RARB: variants seen among roughly 807,000 people sequenced by gnomAD.
RARB encodes the protein retinoic acid receptor beta, also known as HBV-activated protein.
A neutral mutation model predicts 51.9 loss-of-function variants in RARB; 17 were observed. That is an observed-to-expected ratio of 0.33 (90% CI 0.22 to 0.49). The LOEUF is 0.49. RARB is among the 20% of genes least tolerant of loss of function. RARB has a pLI of 0.99. For missense variants in RARB, 369 were observed against 550.8 expected, an observed-to-expected ratio of 0.67 and a Z score of 3.30; for synonymous variants, 215 against 195.4, an observed-to-expected ratio of 1.10 and a Z score of -0.84.
At chr3:25,214,197 C>T in intron 5 of RARB, among the ~76,000 whole-genome samples, 1 of 152,134 alleles carries the variant, frequency 6.6e-6, no homozygotes, top group East Asian at 1.9e-4. Context: ...GGGCCCTATC[C>T]TTGGCTTCTT....
intron 2 of RARB, among the ~76,000 whole-genome samples, chr3:24,923,124 A>G (rs115138986): frequency 0.016 from 2,447 of 152,288 alleles, 35 homozygotes; most frequent in Non-Finnish European, 0.024. Context: ...TATTTGAGCT[A>G]TCCATTTAGC....
chr3:25,172,251 A>C (rs1039805243), intron 4 of RARB, among the ~76,000 whole-genome samples: 5 of 152,308 alleles, frequency 3.3e-5, no homozygotes, highest in Admixed American at 2.6e-4. Context: ...TCCTCTGTAG[A>C]GTACAACCAG....
intron 5 of RARB, among the ~76,000 whole-genome samples, chr3:25,384,952 T>C (rs1214354704): frequency 1.3e-5 from 2 of 152,234 alleles, no homozygotes; most frequent in Admixed American, 6.5e-5. Context: ...TTCCAAATTA[T>C]TCCACTCTGG....
intron 5 of RARB, among the ~76,000 whole-genome samples, chr3:25,265,335 A>G (rs1465026792): frequency 6.6e-6 from 1 of 152,230 alleles, no homozygotes; most frequent in Non-Finnish European, 1.5e-5. Context: ...TGTATTTTAG[A>G]TGTTGATAAA....
intron 3 of RARB, among the ~76,000 whole-genome samples, chr3:25,510,316 C>T (rs17016584): frequency 2.0e-5 from 3 of 152,096 alleles, no homozygotes; most frequent in Non-Finnish European, 4.4e-5. Context: ...TGTATTCGCT[C>T]CCACATCAAA....
chr3:25,114,306 C>T lies in RARB; in HGVS notation c.-327-17855C>T, dbSNP rs367735664. On this transcript the variant is annotated intron_variant, in intron 3 of 11. Transcript: ENST00000383772. ...TCTTTTACTCAAGAAGAGCCATGTG[C>T]CCAAACCAGACGGTTGGAGTAGCTG... is the stretch of plus-strand genomic sequence containing the variant. Among the ~76,000 whole-genome samples the T allele has an allele frequency of 7.3e-4, 111 of 152,302 alleles. 2 individuals are homozygous for T. The highest frequency in any genetic ancestry group is 2.4e-3 in the African/African-American group (98 of 41,574).
intron 5 of RARB, among the ~76,000 whole-genome samples, chr3:25,364,374 C>A (rs917788198): frequency 6.6e-6 from 1 of 152,144 alleles, no homozygotes; most frequent in Non-Finnish European, 1.5e-5. Flanking sequence ...CTCACAGCCC[C>A]CTATGAAAGT....
chr3:25,516,573 T>C (rs1477433646), intron 3 of RARB, among the ~76,000 whole-genome samples: 8 of 151,904 alleles, frequency 5.3e-5, no homozygotes. Flanking sequence ...AAAAAAGCCA[T>C]CAGAGTAATT....
chr3:25,078,631 T>A (rs1336276342), intron 3 of RARB, among the ~76,000 whole-genome samples: 3 of 151,282 alleles, frequency 2.0e-5, no homozygotes. Context: ...CCACCTCCCA[T>A]GTTCAAGCGA....
intron 5 of RARB, among the ~76,000 whole-genome samples, chr3:25,388,563 A>C (rs565936249): frequency 4.6e-5 from 7 of 152,370 alleles, no homozygotes; most frequent in African/African-American, 1.7e-4. Context: ...CATGAAACAA[A>C]GAAATTGTTT....
rs146954294 is a variant in RARB, at chr3:25,207,153, T to C, written c.178+32578T>C. On this transcript the variant is annotated intron_variant, in intron 5 of 11. Coordinates refer to the RARB transcript ENST00000383772. ...ATGTATAAATCACTACTGCTTTTGA[T>C]TGAAGATTTTGCTCCTTATTCAGGG... Among the ~76,000 whole-genome samples, 412 of 152,326 alleles carry C rather than the reference T, an allele frequency of 2.7e-3. 2 individuals are homozygous for C. Among genetic ancestry groups the C allele is most frequent in the African/African-American group, 9.4e-3 (392 of 41,564 alleles).
intron 5 of RARB, among the ~76,000 whole-genome samples, chr3:25,244,717 A>G (rs958601674): frequency 1.4e-4 from 21 of 152,008 alleles, no homozygotes; most frequent in Admixed American, 1.2e-3. Context: ...TTGCTGAGGC[A>G]TGTTTTACTT....
At chr3:24,864,883 T>C (rs796778965) in intron 2 of RARB, among the ~76,000 whole-genome samples, 127 of 152,320 alleles carry the variant, frequency 8.3e-4, no homozygotes, top group African/African-American at 2.9e-3. Context: ...CTAAAGTTTT[T>C]GATTCAAGTT....
intron 3 of RARB, among the ~76,000 whole-genome samples, chr3:25,558,740 A>G (rs537238143): frequency 1.7e-3 from 251 of 152,094 alleles, no homozygotes; most frequent in African/African-American, 4.7e-3. Flanking sequence ...CCTGCCAGAA[A>G]CTGGCTTCCC....
At chr3:24,898,339 T>C (rs2125369448) in intron 2 of RARB, among the ~76,000 whole-genome samples, 1 of 149,916 alleles carries the variant, frequency 6.7e-6, no homozygotes, top group South Asian at 2.1e-4. Context: ...TTATATTGTA[T>C]ATTATATAAT....
At chr3:25,146,539 G>A (rs1206211884) in intron 4 of RARB, among the ~76,000 whole-genome samples, 3 of 130,466 alleles carry the variant, frequency 2.3e-5, no homozygotes, top group Non-Finnish European at 4.7e-5. Flanking sequence ...CAAGAGTCTC[G>A]CTCTGTTGCC....
At chr3:24,981,425 A>G (rs923987725) in intron 2 of RARB, among the ~76,000 whole-genome samples, 1 of 152,116 alleles carries the variant, frequency 6.6e-6, no homozygotes, top group African/African-American at 2.4e-5. Flanking sequence ...AGTGGGCTCC[A>G]CCCAGTTGGA....
intron 5 of RARB, among the ~76,000 whole-genome samples, chr3:25,397,438 A>G (rs1158966656): frequency 6.6e-6 from 1 of 152,166 alleles, no homozygotes; most frequent in African/African-American, 2.4e-5. Flanking sequence ...GGGTCTGTGA[A>G]TTCCTTCAGT....
intron 5 of RARB, among the ~76,000 whole-genome samples, chr3:25,246,027 T>C (rs960958868): frequency 1.3e-5 from 2 of 152,278 alleles, no homozygotes; most frequent in South Asian, 4.1e-4. Context: ...CTTTCCATTC[T>C]TTTTTCTCTA....
Sources: allele counts gnomAD v4.1 joint callset (sites outside exome capture counted in the v4.1 genomes callset), GRCh38; gene constraint gnomAD v4.1.1; transcripts MANE v1.5; gene names NCBI Gene and HGNC (gene_info 2026-07-23, HGNC 2026-07-21).